NHSL1: variants seen among roughly 807,000 people sequenced by gnomAD.
NHSL1 encodes the protein NHS like 1, also known as NHS-like protein 1.
NHSL1 carries 48 observed loss-of-function variants against 95.0 expected under a neutral mutation model. The ratio of observed to expected loss-of-function variants is 0.51; its 90% CI spans 0.40 to 0.64. The LOEUF is 0.64. Ranked by LOEUF, NHSL1 falls within the 30% of genes least tolerant of loss-of-function variation. The probability of loss-of-function intolerance (pLI) is 0.00; values close to 1 mark genes in which losing one functional copy is unlikely to be tolerated. For missense variants in NHSL1, 1,971 were observed against 2,077.7 expected, an observed-to-expected ratio of 0.95 and a Z score of 1.00; for synonymous variants, 783 against 833.9, an observed-to-expected ratio of 0.94 and a Z score of 1.05.
chr6:138,522,032 A>G (rs1781704104), intron 1 of NHSL1, among the ~76,000 whole-genome samples: 1 of 152,180 alleles, frequency 6.6e-6, no homozygotes, highest in Admixed American at 6.5e-5. Flanking sequence ...ATATGCTAGT[A>G]AGTACGGCAA....
upstream of NHSL1, among the ~76,000 whole-genome samples, chr6:138,573,340 CCTT>C (rs1783907845): frequency 6.6e-6 from 1 of 152,180 alleles, no homozygotes; most frequent in African/African-American, 2.4e-5. Flanking sequence ...GTCGGCATCT[CCTT>C]CTCCCAAGCG....
chr6:138,595,856 C>G (rs1784296523), intron 1 of NHSL1, among the ~76,000 whole-genome samples: 1 of 152,080 alleles, frequency 6.6e-6, no homozygotes. Flanking sequence ...GCCATGCCAC[C>G]CTTGCACCTA....
intron 1 of NHSL1, among the ~76,000 whole-genome samples, chr6:138,657,844 A>G (rs1785177725): frequency 6.7e-6 from 1 of 149,640 alleles, no homozygotes; most frequent in Admixed American, 6.6e-5. Flanking sequence ...AAAGAAAGAA[A>G]AAAAGAGTCT....
At chr6:138,426,616 G>A (rs117860390) in intron 7 of NHSL1, among the ~76,000 whole-genome samples, 14 of 152,258 alleles carry the variant, frequency 9.2e-5, no homozygotes, top group Non-Finnish European at 1.8e-4. Flanking sequence ...TAGTTTTTAC[G>A]TGGCTTACAC....
rs79533806 is a variant in NHSL1, at chr6:138,425,670, T to C, written c.4086-854A>G. Among the ~76,000 whole-genome samples the C allele has an allele frequency of 2.7e-3, 417 of 152,326 alleles. 4 individuals carry two copies. The highest frequency in any genetic ancestry group is 9.3e-3 in the African/African-American group (388 of 41,570). On this transcript the variant is annotated intron_variant, in intron 7 of 7. Transcript: ENST00000343505. Reference sequence around the variant, plus strand: ...ACATGCTGACCCTCCTTTCTTTCTATGCTTCCTTTTCTTGTTCCATGCCAG... The same window carrying C: ...ACATGCTGACCCTCCTTTCTTTCTACGCTTCCTTTTCTTGTTCCATGCCAG...
chr6:138,478,010 C>T (rs1416624084), intron 2 of NHSL1, among the ~76,000 whole-genome samples: 3 of 75,822 alleles, frequency 4.0e-5, no homozygotes, highest in Non-Finnish European at 8.2e-5. Context: ...AAATTTATGT[C>T]ACTTTTTTTT....
At chr6:138,630,464 C>A (rs1055926855) in intron 1 of NHSL1, among the ~76,000 whole-genome samples, 1 of 152,092 alleles carries the variant, frequency 6.6e-6, no homozygotes, top group African/African-American at 2.4e-5. Flanking sequence ...GAGATCACCG[C>A]AACCTCCGCC....
chr6:138,492,989 C>G (rs949826172), intron 2 of NHSL1, among the ~76,000 whole-genome samples: 6 of 109,784 alleles, frequency 5.5e-5, no homozygotes, highest in African/African-American at 1.5e-4. Context: ...TATTCAGAGA[C>G]TGATTTTTTT....
intron 1 of NHSL1, among the ~76,000 whole-genome samples, chr6:138,588,876 A>C (rs950031875): frequency 6.6e-6 from 1 of 152,142 alleles, no homozygotes; most frequent in Non-Finnish European, 1.5e-5. Context: ...TGCCTGTTCG[A>C]AATAAGACTT....
chr6:138,499,270 T>C lies in NHSL1; in HGVS notation c.21A>G (p.Ala7=). The C allele has an allele frequency of 1.3e-6, 2 of 1,550,774 alleles. No homozygotes were observed. The highest frequency in any genetic ancestry group is 1.7e-6 in the Non-Finnish European group (2 of 1,146,312). The change falls in exon 1 of 8, where the codon GCA becomes GCG. Residue 7 remains alanine, a synonymous_variant. Coordinates refer to ENST00000343505, the MANE Select transcript of NHSL1 (RefSeq NM_001144060.2). ...AAAGTTTAATTAAAGACTTAATCTT[T>C]GCATTAATGAAGACCACCATTTCCA... MVVFIN[A]KIKSLIKLFK... is the part of the protein sequence containing the mutation.
Position 138,424,512 on chromosome 6 carries a change from G to T in NHSL1, c.4390C>A (p.Pro1464Thr), listed in dbSNP as rs767547855. Residue 1464 changes from proline to threonine, a missense_variant, in exon 8 of 8, where the codon CCG (proline) becomes ACG (threonine). By Grantham distance (38) the Pro-to-Thr change is conservative (BLOSUM62 -1). Around this residue, in one of 3 missense-constraint regions of NHSL1, gnomAD observed 223 missense variants for 217.0 expected, o/e 1.03. Coordinates refer to ENST00000343505, the MANE Select transcript of NHSL1 (RefSeq NM_001144060.2). The surrounding 1 kb of genome is among the most constrained non-coding windows in gnomAD (Gnocchi z 5.9). ...SEPSPDAPES[P>T]SSCSPSKNRR... is the part of the protein sequence containing the mutation. ...TTCTTGCTTGGGGAGCAGCTTGACG[G>T]GCTCTCGGGGGCATCTGGGGAAGGC... 20 of 1,551,660 alleles carry T rather than the reference G, an allele frequency of 1.3e-5. No individual in the cohort carries two copies. The highest frequency in any genetic ancestry group is 1.7e-5 in the Non-Finnish European group (19 of 1,146,988).
In NHSL1 at chr6:138,508,397, T is replaced by C. The variant is rs750200755; in HGVS notation, c.17-12026A>G. On this transcript the variant is annotated intron_variant, in intron 1 of 4. Coordinates refer to the NHSL1 transcript ENST00000342260. ...CTGATGTTGGAATTATTGGTGAGTA[T>C]GGAAATAGCACAGGCAAATCAAAAA... Among the ~76,000 whole-genome samples, 7 of 152,150 alleles carry C rather than the reference T, an allele frequency of 4.6e-5. No individual in the cohort carries two copies. In the East Asian group the frequency reaches 5.8e-4, roughly 13 times the overall value.
At chr6:138,459,220 T>C (rs1490679926) in intron 3 of NHSL1, among the ~76,000 whole-genome samples, 1 of 152,128 alleles carries the variant, frequency 6.6e-6, no homozygotes, top group East Asian at 1.9e-4. Flanking sequence ...ACTCCTGACC[T>C]CAGGTGATCC....
intron 1 of NHSL1, among the ~76,000 whole-genome samples, chr6:138,577,872 T>C (rs1463075494): frequency 6.6e-6 from 1 of 152,030 alleles, no homozygotes; most frequent in East Asian, 1.9e-4. Context: ...AACCAAACGG[T>C]ATTACCCCCA....
At chr6:138,493,492 A>G (rs1435352318) in intron 2 of NHSL1, among the ~76,000 whole-genome samples, 1 of 152,242 alleles carries the variant, frequency 6.6e-6, no homozygotes, top group African/African-American at 2.4e-5. Flanking sequence ...GGAACTTGAA[A>G]ATACATGAAA....
At chr6:138,573,314 C>T (rs1405757562), upstream of NHSL1, among the ~76,000 whole-genome samples, 1 of 152,172 alleles carries the variant, frequency 6.6e-6, no homozygotes, top group African/African-American at 2.4e-5. Flanking sequence ...TGCAACTTTC[C>T]ATCATAGAGA....
intron 2 of NHSL1, among the ~76,000 whole-genome samples, chr6:138,483,028 A>C (rs529158107): frequency 6.6e-6 from 1 of 152,360 alleles, no homozygotes; most frequent in East Asian, 1.9e-4. Context: ...GCAAGTCCTC[A>C]ATCAATGCTG....
intron 1 of NHSL1, among the ~76,000 whole-genome samples, chr6:138,607,684 G>A (rs549909693): frequency 4.1e-4 from 62 of 152,268 alleles, no homozygotes; most frequent in Middle Eastern, 3.4e-3. Flanking sequence ...TGCAAGGACC[G>A]CCAGGAGTCA....
intron 1 of NHSL1, among the ~76,000 whole-genome samples, chr6:138,651,476 T>C (rs948012011): frequency 6.6e-6 from 1 of 152,208 alleles, no homozygotes; most frequent in Admixed American, 6.5e-5. Flanking sequence ...AATAGAATAG[T>C]TGTAGAAACA....
Sources: allele counts gnomAD v4.1 joint callset (sites outside exome capture counted in the v4.1 genomes callset), GRCh38; gene constraint gnomAD v4.1.1; regional missense constraint gnomAD v4.1.1; non-coding constraint Gnocchi (gnomAD v3.1); transcripts MANE v1.5; gene names NCBI Gene and HGNC (gene_info 2026-07-23, HGNC 2026-07-21).